The following BRSK2 variants were observed in gnomAD, a reference collection of about 807,000 sequenced individuals.
BRSK2 encodes the protein serine/threonine-protein kinase BRSK2.
BRSK2 carries 19 observed loss-of-function variants against 83.3 expected under a neutral mutation model. The observed-to-expected ratio is 0.23, with a 90% confidence interval of 0.16 to 0.33. BRSK2 has a LOEUF of 0.33. BRSK2 is among the 10% of genes least tolerant of loss of function. BRSK2 has a pLI of 1.00. For missense variants in BRSK2, 798 were observed against 1,042.3 expected (o/e 0.77, Z 3.23); for synonymous variants, 519 against 435.4 (o/e 1.19, Z -2.39).
At chr11:1,416,310 C>T (rs1030714210) in intron 1 of BRSK2, among the ~76,000 whole-genome samples, 3 of 152,170 alleles carry the variant, frequency 2.0e-5, no homozygotes, top group East Asian at 1.9e-4. Context: ...CCACACAGCC[C>T]GTGGACTGCA....
At chr11:1,425,901 C>A (rs532640086) in intron 1 of BRSK2, among the ~76,000 whole-genome samples, 1 of 152,120 alleles carries the variant, frequency 6.6e-6, no homozygotes. Flanking sequence ...CCTGGGTACA[C>A]CTGCCCCGGG....
At chr11:1,401,685 A>G (rs1231097512) in intron 1 of BRSK2, among the ~76,000 whole-genome samples, 1 of 152,216 alleles carries the variant, frequency 6.6e-6, no homozygotes, top group Non-Finnish European at 1.5e-5. Context: ...GTCGTGCCAG[A>G]GCGGACTGTG....
Position 1,454,369 on chromosome 11 carries a change from C to T in BRSK2, c.1545-116C>T, listed in dbSNP as rs1031489529. The T allele has an allele frequency of 1.9e-5, 24 of 1,264,644 alleles. No homozygotes were observed. The highest frequency in any genetic ancestry group is 2.9e-5 in the African/African-American group (2 of 68,060). The allele number at this position is 1,264,644 out of a possible 1,614,324, so 78.3% of individuals were successfully genotyped here. ...TTCTGGCTAGCACTGTGGAGACAGCCGTTTCTATCACGAAGCGATGGAAGA... is the reference window on the plus strand; with the variant it reads ...TTCTGGCTAGCACTGTGGAGACAGCTGTTTCTATCACGAAGCGATGGAAGA... On this transcript the variant is annotated intron_variant, in intron 15 of 19. Transcript: ENST00000528841. The surrounding 1 kb of genome is among the most constrained non-coding windows in gnomAD (Gnocchi z 5.2).
chr11:1,424,536 A>G (rs1216627465), intron 1 of BRSK2, among the ~76,000 whole-genome samples: 4 of 152,130 alleles, frequency 2.6e-5, no homozygotes, highest in African/African-American at 2.4e-5. Flanking sequence ...AACTCCCCCA[A>G]CATCTAAAGG....
Position 1,456,420 on chromosome 11 carries a change from G to C in BRSK2, c.1741G>C (p.Ala581Pro), listed in dbSNP as rs1228729665. 1 of 1,600,004 alleles carries C rather than the reference G, an allele frequency of 6.2e-7. No homozygotes were observed. The highest frequency in any genetic ancestry group is 8.5e-7 in the Non-Finnish European group (1 of 1,174,172). ...RAEYKATGGPAVFQKPVKFQV... is the reference protein window; with the variant it reads ...RAEYKATGGPPVFQKPVKFQV... ...CGAGTACAAGGCCACGGGGGGGCCA[G>C]CCGTGTTCCAGAAGCCGGTCAAGTT... The change falls in exon 17 of 20, where the codon GCC (alanine) becomes CCC (proline). Residue 581 changes from alanine (A) to proline (P), a missense_variant. Physicochemically the swap from Ala to Pro is conservative, Grantham distance 27. Coordinates refer to ENST00000528841, the MANE Select transcript of BRSK2 (RefSeq NM_001256627.2).
At chr11:1,458,449 TCCCAGCCCTG>T (rs928507705) in intron 18 of BRSK2, among the ~76,000 whole-genome samples, 5 of 151,940 alleles carry the variant, frequency 3.3e-5, no homozygotes, top group Admixed American at 6.6e-5. Flanking sequence ...GCCCAGCCCT[TCCCAGCCCTG>T]CCCCCCTCCC....
At position 1,458,064 on chromosome 11, in the gene BRSK2, G is replaced by C. The variant is rs542814730; in HGVS notation, c.1940-1128G>C. The stretch of plus-strand genomic sequence containing the variant: ...GCCTTGAAAGCCTTCATCTTAGGAA[G>C]GGAAACCGAGGCCAGGGAACGACAG... On this transcript the variant is annotated intron_variant, in intron 18 of 19. Coordinates refer to ENST00000528841, the MANE Select transcript of BRSK2 (RefSeq NM_001256627.2). Among the ~76,000 whole-genome samples the C allele has an allele frequency of 2.6e-5, 4 of 152,288 alleles. No homozygotes were observed. The South Asian group carries it at 8.3e-4, about 32-fold the overall frequency.
Position 1,454,608 on chromosome 11 carries a change from G to C in BRSK2, c.1668G>C (p.Ser556=). The C allele has an allele frequency of 6.2e-7, 1 of 1,612,730 alleles. No individual in the cohort carries two copies. Among genetic ancestry groups the C allele is most frequent in the Non-Finnish European group, 8.5e-7 (1 of 1,179,864 alleles). ...IKADIVHAFL[S]IPSLSHSVIS... The stretch of plus-strand genomic sequence containing the variant: ...CTGACATCGTGCACGCCTTCCTGTC[G>C]GTGAGGCCACAGGGCGCTGGGGGAG... The change falls in exon 16 of 20, where the codon TCG becomes TCC. Residue 556 remains serine, a splice_region_variant and synonymous_variant. Transcript: ENST00000528841. The surrounding 1 kb of genome is among the most constrained non-coding windows in gnomAD (Gnocchi z 5.2).
At chr11:1,407,903 C>T (rs1256824708) in intron 1 of BRSK2, among the ~76,000 whole-genome samples, 1 of 152,192 alleles carries the variant, frequency 6.6e-6, no homozygotes, top group Non-Finnish European at 1.5e-5. Flanking sequence ...TCCACAGCCT[C>T]AGGGCACCTG....
At chr11:1,422,611 G>T (rs1489780886) in intron 1 of BRSK2, among the ~76,000 whole-genome samples, 1 of 152,166 alleles carries the variant, frequency 6.6e-6, no homozygotes, top group African/African-American at 2.4e-5. Context: ...TGTGGCCAGG[G>T]CAGGGCCTCT....
At chr11:1,439,817 C>A (rs1418107008) in intron 3 of BRSK2, among the ~76,000 whole-genome samples, 1 of 150,660 alleles carries the variant, frequency 6.6e-6, no homozygotes, top group Non-Finnish European at 1.5e-5. Context: ...GGGCTTCACA[C>A]CCTCCCCTGC....
rs763947419 is a variant in BRSK2 at position 1,449,739 on chromosome 11, C to A, written c.1227-37C>A. 4.4e-6 allele frequency: 7 copies of A among 1,587,406 alleles called. No individual in the cohort carries two copies. The Admixed American group carries it at 5.1e-5, about 12-fold the overall frequency. ...CCAGCACCTGCTGCTCCACTGCCCC[C>A]TGGCTGAGCAGTGGCCCTGTACCTT... On this transcript the variant is annotated intron_variant, in intron 12 of 19. Transcript: ENST00000528841.
chr11:1,452,602 C>T (rs540312340), intron 15 of BRSK2, among the ~76,000 whole-genome samples: 2 of 151,640 alleles, frequency 1.3e-5, no homozygotes, highest in African/African-American at 4.8e-5. Flanking sequence ...GGATGCCTCC[C>T]ACAGCCCCAC....
At chr11:1,458,134 C>G (rs1021817225) in intron 18 of BRSK2, among the ~76,000 whole-genome samples, 12 of 152,088 alleles carry the variant, frequency 7.9e-5, no homozygotes, top group African/African-American at 2.9e-4. Context: ...TCTGGTAGGG[C>G]AAGCAGAAAC....
At chr11:1,449,910 TG>T in intron 13 of BRSK2, 74 bp downstream of exon 13, 2 of 1,201,110 alleles carry the variant, frequency 1.7e-6, no homozygotes, top group Non-Finnish European at 1.2e-6. Context: ...TGTGCCAGGG[TG>T]GGGGCAGCCT....
intron 5 of BRSK2, 150 bp from the exon 6 acceptor site, chr11:1,442,956 A>C: frequency 1.0e-6 from 1 of 985,406 alleles, no homozygotes; most frequent in Non-Finnish European, 1.5e-6. Flanking sequence ...ATCTCCTCCC[A>C]AAAGCCCGCC....
chr11:1,398,583 G>C (rs1393350859), intron 1 of BRSK2, among the ~76,000 whole-genome samples: 1 of 152,156 alleles, frequency 6.6e-6, no homozygotes, highest in South Asian at 2.1e-4. Context: ...GCCCCTTGGT[G>C]CCATTAACTT....
chr11:1,408,460 C>T (rs1309918908), intron 1 of BRSK2, among the ~76,000 whole-genome samples: 2 of 152,176 alleles, frequency 1.3e-5, no homozygotes, highest in Non-Finnish European at 2.9e-5. Context: ...ACACAGCGGC[C>T]ACCAGGCTGG....
At chr11:1,444,322 C>T (rs1315318062) in intron 8 of BRSK2, among the ~76,000 whole-genome samples, 2 of 152,258 alleles carry the variant, frequency 1.3e-5, no homozygotes, top group Admixed American at 6.5e-5. Flanking sequence ...GGGGACCGCA[C>T]GTGTCCACTT....
Sources: gnomAD v4.1 joint callset for allele counts (sites outside exome capture counted in the v4.1 genomes callset) on GRCh38, gnomAD v4.1.1 for gene constraint, Gnocchi (gnomAD v3.1) non-coding constraint, MANE v1.5 for transcripts, NCBI Gene and HGNC (gene_info 2026-07-23, HGNC 2026-07-21) for gene names.